GPM6A: variants seen among roughly 807,000 people sequenced by gnomAD.
GPM6A encodes neuronal membrane glycoprotein M6-a.
A neutral mutation model predicts 32.1 loss-of-function variants in GPM6A; 7 were observed. The ratio of observed to expected loss-of-function variants is 0.22; its 90% CI spans 0.12 to 0.41. The LOEUF is 0.41. GPM6A is among the 10% of genes least tolerant of loss of function. The pLI is 1.00. For synonymous variants in GPM6A, 130 were observed against 123.4 expected (o/e 1.05, Z -0.35); for missense variants, 235 against 347.2 (o/e 0.68, Z 2.57).
At chr4:175,882,482 C>T (rs1413119349) in intron 1 of GPM6A, among the ~76,000 whole-genome samples, 1 of 151,958 alleles carries the variant, frequency 6.6e-6, no homozygotes, top group African/African-American at 2.4e-5. Context: ...AGATTTTTCA[C>T]AAATAATTTA....
intron 1 of GPM6A, among the ~76,000 whole-genome samples, chr4:175,921,986 T>C (rs929931765): frequency 1.3e-5 from 2 of 152,114 alleles, no homozygotes; most frequent in South Asian, 2.1e-4. Flanking sequence ...CAGGGAGTAA[T>C]AGAAGACCCA....
At chr4:175,648,550 T>C (rs1198035608) in intron 4 of GPM6A, among the ~76,000 whole-genome samples, 1 of 152,152 alleles carries the variant, frequency 6.6e-6, no homozygotes, top group Non-Finnish European at 1.5e-5. Flanking sequence ...TTGTCATAAA[T>C]GTAGTGGCTT....
At chr4:175,748,203 C>G (rs186045074) in intron 1 of GPM6A, among the ~76,000 whole-genome samples, 1 of 152,030 alleles carries the variant, frequency 6.6e-6, no homozygotes, top group African/African-American at 2.4e-5. Flanking sequence ...CTGTTAATGT[C>G]GATGTTTTGA....
chr4:175,785,006 G>C (rs1733743503), intron 1 of GPM6A, among the ~76,000 whole-genome samples: 1 of 152,130 alleles, frequency 6.6e-6, no homozygotes, highest in African/African-American at 2.4e-5. Flanking sequence ...CTATTACATG[G>C]AAACATAGAA....
intron 1 of GPM6A, among the ~76,000 whole-genome samples, chr4:175,744,207 G>A (rs1272274490): frequency 6.6e-6 from 1 of 151,976 alleles, no homozygotes; most frequent in Admixed American, 6.6e-5. Context: ...TTTTTAAAAG[G>A]AGGGGGAATA....
At chr4:175,779,754 C>T (rs1249665306) in intron 1 of GPM6A, among the ~76,000 whole-genome samples, 1 of 152,142 alleles carries the variant, frequency 6.6e-6, no homozygotes, top group Non-Finnish European at 1.5e-5. Flanking sequence ...CAGATACACC[C>T]ACCTGTTGGT....
intron 1 of GPM6A, among the ~76,000 whole-genome samples, chr4:175,860,765 G>C (rs1736550469): frequency 6.6e-6 from 1 of 152,094 alleles, no homozygotes; most frequent in Non-Finnish European, 1.5e-5. Flanking sequence ...AGTGCCTCTA[G>C]GAGTAGAACC....
At position 175,633,156 on chromosome 4, in the gene GPM6A, T is replaced by C. The variant is rs897249695; in HGVS notation, c.*1749A>G. Reference sequence around the variant, plus strand: ...ATTACATAAGTTGAAAAGACAGTTTTAGAAATTATCACAAACTGTTAAGAC... The same window carrying C: ...ATTACATAAGTTGAAAAGACAGTTTCAGAAATTATCACAAACTGTTAAGAC... On this transcript the variant is annotated 3_prime_UTR_variant, in exon 7 of 7. Transcript: ENST00000393658. 1 of 152,476 alleles carries C rather than the reference T, an allele frequency of 6.6e-6. No homozygotes were observed. Among genetic ancestry groups the C allele is most frequent in the South Asian group, 2.1e-4 (1 of 4,836 alleles). 9.4% of individuals were successfully genotyped at this position (152,476 alleles called of 1,614,324 possible).
At chr4:175,730,158 T>C (rs1026824397) in intron 1 of GPM6A, among the ~76,000 whole-genome samples, 7 of 152,082 alleles carry the variant, frequency 4.6e-5, no homozygotes, top group Admixed American at 1.3e-4. Context: ...TATAAGCTGC[T>C]GTCCTGGTTT....
intron 1 of GPM6A, among the ~76,000 whole-genome samples, chr4:175,750,854 T>C (rs1732306442): frequency 6.6e-6 from 1 of 152,194 alleles, no homozygotes. Context: ...ATTACAGGCA[T>C]GAGTCACCAC....
chr4:175,711,453 T>TAC (rs1219013732), intron 1 of GPM6A, among the ~76,000 whole-genome samples: 32 of 35,694 alleles, frequency 9.0e-4, no homozygotes, highest in Admixed American at 2.6e-3. Context: ...TATATATATA[T>TAC]ATATACACAC....
chr4:175,920,189 A>G (rs1461696033), intron 1 of GPM6A, among the ~76,000 whole-genome samples: 1 of 152,216 alleles, frequency 6.6e-6, no homozygotes, highest in Non-Finnish European at 1.5e-5. Flanking sequence ...TAGAATCAGT[A>G]TTAATTACTA....
intron 1 of GPM6A, among the ~76,000 whole-genome samples, chr4:175,842,494 G>A (rs908832392): frequency 2.0e-5 from 3 of 152,020 alleles, no homozygotes; most frequent in South Asian, 2.1e-4. Flanking sequence ...ACACTGAGGC[G>A]GGAGACGTGC....
chr4:175,801,571 T>G (rs1249521935), intron 1 of GPM6A, among the ~76,000 whole-genome samples: 8 of 152,100 alleles, frequency 5.3e-5, no homozygotes, highest in Non-Finnish European at 1.2e-4. Context: ...AGGAATTTGT[T>G]AGAGATGGAA....
intron 2 of GPM6A, among the ~76,000 whole-genome samples, chr4:175,682,752 C>T (rs1211546305): frequency 1.3e-5 from 2 of 152,164 alleles, no homozygotes; most frequent in African/African-American, 2.4e-5. Flanking sequence ...CCATGGTGTG[C>T]TAAGCCAGTA....
At chr4:175,693,587 T>C (rs1217600094) in intron 2 of GPM6A, among the ~76,000 whole-genome samples, 1 of 152,036 alleles carries the variant, frequency 6.6e-6, no homozygotes, top group Non-Finnish European at 1.5e-5. Flanking sequence ...TTTGAAAAGA[T>C]TTTTGGAAAG....
chr4:175,780,704 AGT>A (rs1167313995), intron 1 of GPM6A, among the ~76,000 whole-genome samples: 2 of 152,226 alleles, frequency 1.3e-5, no homozygotes, highest in African/African-American at 4.8e-5. Flanking sequence ...CAAATTAGCC[AGT>A]GTTTTCTGAA....
chr4:175,942,746 T>G (rs1739453623), intron 1 of GPM6A, among the ~76,000 whole-genome samples: 1 of 152,210 alleles, frequency 6.6e-6, no homozygotes, highest in East Asian at 1.9e-4. Flanking sequence ...TATATCTGTT[T>G]TGGTACCAGT....
At chr4:175,695,830 G>T (rs1294829356) in intron 2 of GPM6A, among the ~76,000 whole-genome samples, 1 of 152,100 alleles carries the variant, frequency 6.6e-6, no homozygotes, top group African/African-American at 2.4e-5. Context: ...ATTTGGATCT[G>T]GTCCCCACTC....
Sources: gnomAD v4.1 joint callset for allele counts (sites outside exome capture counted in the v4.1 genomes callset) on GRCh38, gnomAD v4.1.1 for gene constraint, MANE v1.5 for transcripts, NCBI Gene and HGNC (gene_info 2026-07-23, HGNC 2026-07-21) for gene names.